The following GIGYF2 variants were observed in gnomAD, a reference collection of about 807,000 sequenced individuals.
GIGYF2 encodes the protein GRB10-interacting GYF protein 2.
GIGYF2 carries 25 observed loss-of-function variants against 208.1 expected under a neutral mutation model. That is an observed-to-expected ratio of 0.12 (90% CI 0.09 to 0.17). The LOEUF is 0.17. Among genes scored for constraint, GIGYF2 ranks in the 10% least tolerant of loss-of-function variants. The pLI, the probability that GIGYF2 is intolerant of heterozygous loss-of-function variation, is 1.00. For synonymous variants in GIGYF2, 534 were observed against 543.8 expected, an observed-to-expected ratio of 0.98 and a Z score of 0.25; for missense variants, 1,302 against 1,579.4, an observed-to-expected ratio of 0.82 and a Z score of 2.98.
At chr2:232,763,960 ATAAG>A (rs1698846838) in intron 8 of GIGYF2, among the ~76,000 whole-genome samples, 1 of 152,250 alleles carries the variant, frequency 6.6e-6, no homozygotes, top group African/African-American at 2.4e-5. Flanking sequence ...ATTACTGTAA[ATAAG>A]AGCATATGAA....
At position 232,836,389 on chromosome 2, in the gene GIGYF2, TATAAATATAA is replaced by T. The variant is rs754441260; in HGVS notation, c.2766+3300_2766+3309del. On this transcript the variant is annotated intron_variant, in intron 22 of 28. Transcript: ENST00000373563. ...ATAAATATATATAAATATAAATATATATAAATATAAATATATATATAAATAAATTATTCAG... is the reference window on the plus strand; with the variant it reads ...ATAAATATATATAAATATAAATATATATATATATATAAATAAATTATTCAG... Among the ~76,000 whole-genome samples, 834 of 96,746 alleles carry T rather than the reference TATAAATATAA, an allele frequency of 8.6e-3. 169 individuals are homozygous for T. Among genetic ancestry groups the T allele is most frequent in the Admixed American group, 0.07 (491 of 7,018 alleles). 63.5% of individuals were successfully genotyped at this position (96,746 alleles called of 152,430 possible). A position where few individuals can be genotyped will look rare whatever the true frequency, so the allele number is the denominator to read the frequency against.
At chr2:232,758,774 A>G (rs1574844189) in intron 6 of GIGYF2, among the ~76,000 whole-genome samples, 1 of 152,312 alleles carries the variant, frequency 6.6e-6, no homozygotes, top group East Asian at 1.9e-4. Flanking sequence ...AGGTGATACA[A>G]GTGTAAGGGC....
At chr2:232,730,626 C>T (rs1486481925) in intron 2 of GIGYF2, among the ~76,000 whole-genome samples, 2 of 137,232 alleles carry the variant, frequency 1.5e-5, no homozygotes, top group Non-Finnish European at 3.1e-5. Context: ...AGGCCGGGCG[C>T]GGTGGCTCAC....
At chr2:232,826,560 G>T (rs1013009235) in intron 21 of GIGYF2, among the ~76,000 whole-genome samples, 6 of 152,150 alleles carry the variant, frequency 3.9e-5, no homozygotes, top group African/African-American at 1.4e-4. Flanking sequence ...AAGAGCTTCT[G>T]CACAGCAAAA....
At chr2:232,808,433 T>G (rs1700625402) in intron 15 of GIGYF2, among the ~76,000 whole-genome samples, 2 of 152,216 alleles carry the variant, frequency 1.3e-5, no homozygotes, top group Admixed American at 1.3e-4. Flanking sequence ...TGCAAAGCCC[T>G]GCTTCCTGTC....
chr2:232,812,314 T>C, intron 17 of GIGYF2, 77 bp from the exon 18 acceptor site: 1 of 733,170 alleles, frequency 1.4e-6, no homozygotes, highest in Admixed American at 2.0e-5. Flanking sequence ...CCTGCTAATC[T>C]AGAAATTCCT....
intron 21 of GIGYF2, among the ~76,000 whole-genome samples, chr2:232,827,205 A>ATTTTTTTTTTTTTTTTTTTTT (rs1475238239): frequency 6.6e-6 from 1 of 152,082 alleles, no homozygotes; most frequent in Non-Finnish European, 1.5e-5. Flanking sequence ...AGGTATAGAC[A>ATTTTTTTTTTTTTTTTTTTTT]TTGTTTTTTA....
intron 3 of GIGYF2, among the ~76,000 whole-genome samples, chr2:232,739,256 G>A (rs957791835): frequency 6.6e-6 from 1 of 151,648 alleles, no homozygotes; most frequent in Admixed American, 6.6e-5. Context: ...TACTCAAGAG[G>A]CTGAGACAGG....
intron 10 of GIGYF2, 46 bp from the exon 11 acceptor site, chr2:232,790,962 A>G (rs759158675): frequency 1.2e-6 from 2 of 1,613,332 alleles, no homozygotes; most frequent in Non-Finnish European, 1.7e-6. Context: ...ACCTTATACC[A>G]AAGCCAAATC....
At chr2:232,821,620 C>G (rs1202723531) in intron 21 of GIGYF2, among the ~76,000 whole-genome samples, 2 of 152,146 alleles carry the variant, frequency 1.3e-5, no homozygotes, top group African/African-American at 4.8e-5. Flanking sequence ...TGCATACTTT[C>G]CTCCAGGCTA....
chr2:232,768,819 TAAGA>T (rs761768630), intron 8 of GIGYF2: 1 of 1,600,292 alleles, frequency 6.2e-7, no homozygotes, highest in Admixed American at 1.7e-5. Context: ...AGCACCTAAA[TAAGA>T]AATTATTGAT....
chr2:232,713,119 A>G (rs1696507895), intron 2 of GIGYF2, among the ~76,000 whole-genome samples: 1 of 150,604 alleles, frequency 6.6e-6, no homozygotes, highest in African/African-American at 2.5e-5. Context: ...TCTGTTTCAC[A>G]GGCTGGAGTG....
rs201699581 is a variant in GIGYF2 at position 232,794,783 on chromosome 2, A to G, written c.1318A>G (p.Ile440Val). 4.6e-5 allele frequency: 74 copies of G among 1,613,864 alleles called. No individual in the cohort carries two copies. In the African/African-American group the frequency reaches 5.7e-4, roughly 13 times the overall value. Residue 440 changes from isoleucine (I) to valine (V), a missense_variant, in exon 13 of 29, where the codon ATT becomes GTT. By Grantham distance (29) the Ile-to-Val change is conservative. Around this residue, in one of 8 missense-constraint regions of GIGYF2, gnomAD observed 235 missense variants for 218.8 expected, o/e 1.07. Coordinates refer to ENST00000373563, the MANE Select transcript of GIGYF2 (RefSeq NM_001103146.3). ...VADVQQPLSQ[I>V]PSDTASPLLI... ...TGATGTCCAGCAGCCCCTGTCGCAG[A>G]TTCCTTCAGATACAGCCTCTCCTCT...
chr2:232,765,027 GT>G (rs1230334185), intron 8 of GIGYF2, among the ~76,000 whole-genome samples: 1 of 152,084 alleles, frequency 6.6e-6, no homozygotes, highest in Non-Finnish European at 1.5e-5. Flanking sequence ...CTTCTAGTTA[GT>G]ATCTACTATT....
chr2:232,770,848 T>G, intron 8 of GIGYF2: 1 of 1,255,368 alleles, frequency 8.0e-7, no homozygotes. Flanking sequence ...ACACCTGTAG[T>G]TTTGTTTTGT....
rs1700563728 is a variant in GIGYF2 at position 232,806,396 on chromosome 2, C to T, written c.1640-95C>T. 1 of 877,526 alleles carries T rather than the reference C, an allele frequency of 1.1e-6. No individual in the cohort carries two copies. Among genetic ancestry groups the T allele is most frequent in the Admixed American group, 1.7e-5 (1 of 58,114 alleles). The allele number at this position is 877,526 out of a possible 1,614,324, so 54.4% of individuals were successfully genotyped here. A position where few individuals can be genotyped will look rare whatever the true frequency, so the allele number is the denominator to read the frequency against. ...ATAGTATAAAACATTTTGACAGATG[C>T]CACCTCGATGAGAATCAGATGCAGG... On this transcript the variant is annotated intron_variant, in intron 14 of 28. Coordinates refer to ENST00000373563, the MANE Select transcript of GIGYF2 (RefSeq NM_001103146.3). The surrounding 1 kb of genome is among the most constrained non-coding windows in gnomAD (Gnocchi z 4.0).
intron 2 of GIGYF2, among the ~76,000 whole-genome samples, chr2:232,711,087 G>A (rs963000174): frequency 4.7e-5 from 7 of 147,918 alleles, no homozygotes; most frequent in Non-Finnish European, 1.0e-4. Context: ...GTTTATTTAT[G>A]TGTTTTTTAT....
intron 21 of GIGYF2, among the ~76,000 whole-genome samples, chr2:232,825,672 G>T (rs2344615): frequency 0.86 from 130,637 of 152,100 alleles, 56,324 homozygotes; most frequent in African/African-American, 0.92. Context: ...TTACATAAAC[G>T]TAGTTGATAA....
intron 25 of GIGYF2, among the ~76,000 whole-genome samples, chr2:232,845,077 C>A (rs78266910): frequency 0.015 from 2,323 of 152,240 alleles, 68 homozygotes; most frequent in African/African-American, 0.053. Context: ...AATACATGAA[C>A]TCAAATCCCA....
Sources: allele counts gnomAD v4.1 joint callset (sites outside exome capture counted in the v4.1 genomes callset), GRCh38; gene constraint gnomAD v4.1.1; regional missense constraint gnomAD v4.1.1; non-coding constraint Gnocchi (gnomAD v3.1); transcripts MANE v1.5; gene names NCBI Gene and HGNC (gene_info 2026-07-23, HGNC 2026-07-21).